ACTA2: variants seen among roughly 807,000 people sequenced by gnomAD.
ACTA2 encodes actin alpha 2, smooth muscle.
In ACTA2, 12 loss-of-function variants were observed where a neutral mutation model predicts 39.5. The observed-to-expected ratio is 0.30, with a 90% CI of 0.19 to 0.49. ACTA2 has a LOEUF of 0.49. Among genes scored for constraint, ACTA2 ranks in the 20% least tolerant of loss-of-function variants. The pLI is 0.99. For missense variants in ACTA2, 236 were observed against 498.8 expected (o/e 0.47, Z 5.02); for synonymous variants, 158 against 180.6 (o/e 0.88, Z 1.00).
At chr10:88,967,170 C>A (rs989062088) in intron 1 of ACTA2, among the ~76,000 whole-genome samples, 7 of 152,162 alleles carry the variant, frequency 4.6e-5, no homozygotes, top group Admixed American at 1.3e-4. Flanking sequence ...CCTTTTCCAA[C>A]AAAATTGAGA....
chr10:88,937,215 C>T (rs912089713), intron 8 of ACTA2, among the ~76,000 whole-genome samples: 4 of 145,884 alleles, frequency 2.7e-5, no homozygotes, highest in Admixed American at 6.7e-5. Context: ...CAGTCTAGCA[C>T]ACTCTCTAGT....
chr10:88,957,716 A>G (rs1236600193), upstream of ACTA2, among the ~76,000 whole-genome samples: 1 of 152,024 alleles, frequency 6.6e-6, no homozygotes, highest in Non-Finnish European at 1.5e-5. Context: ...CACACTTTAC[A>G]TATCCTCCTA....
intron 6 of ACTA2, chr10:88,940,807 C>T: frequency 3.4e-6 from 1 of 294,360 alleles, no homozygotes; most frequent in Non-Finnish European, 6.8e-6. Flanking sequence ...TATTATTATC[C>T]CCATTTTACA....
chr10:88,953,850 T>C (rs1402687867), upstream of ACTA2, among the ~76,000 whole-genome samples: 3 of 152,206 alleles, frequency 2.0e-5, no homozygotes. Context: ...AAGACACGCC[T>C]CTTCCCCTTT....
intron 1 of ACTA2, among the ~76,000 whole-genome samples, chr10:88,970,427 G>A (rs1450881301): frequency 2.6e-5 from 4 of 152,106 alleles, no homozygotes; most frequent in African/African-American, 9.7e-5. Flanking sequence ...CTTCATAGGA[G>A]CTTAGGCCCC....
chr10:88,975,714 T>C (rs1375730001), intron 1 of ACTA2, among the ~76,000 whole-genome samples: 3 of 152,130 alleles, frequency 2.0e-5, no homozygotes, highest in Non-Finnish European at 4.4e-5. Flanking sequence ...TATTGGCCTC[T>C]TAATAAATAT....
At chr10:88,939,786 A>G in intron 6 of ACTA2, 88 bp from the exon 7 acceptor site, 1 of 1,363,722 alleles carries the variant, frequency 7.3e-7, no homozygotes, top group East Asian at 2.3e-5. Context: ...CTCTCCCTCA[A>G]GACATGTGCC....
chr10:88,983,626 A>C (rs1358059537), intron 1 of ACTA2, among the ~76,000 whole-genome samples: 2 of 147,456 alleles, frequency 1.4e-5, no homozygotes, highest in East Asian at 1.9e-4. Flanking sequence ...AAAAAAAAAA[A>C]AAAAAAAAAA....
chr10:88,991,228 G>A (rs1847184384), exon 1 of ACTA2: 8 of 513,076 alleles, frequency 1.6e-5, no homozygotes, highest in Non-Finnish European at 2.8e-5. Context: ...CGTGGGGTGC[G>A]GACAGGAATT....
At chr10:88,986,428 T>C (rs1429488468) in intron 1 of ACTA2, among the ~76,000 whole-genome samples, 5 of 152,248 alleles carry the variant, frequency 3.3e-5, no homozygotes, top group Non-Finnish European at 7.3e-5. Flanking sequence ...TGCTTTTTAG[T>C]TGCCACAGTC....
intron 1 of ACTA2, among the ~76,000 whole-genome samples, chr10:88,981,518 GA>G (rs1846711142): frequency 6.6e-6 from 1 of 152,120 alleles, no homozygotes; most frequent in Non-Finnish European, 1.5e-5. Flanking sequence ...CCGTGGAAAG[GA>G]AGGCAAATTG....
At position 88,941,767 on chromosome 10, in the gene ACTA2, T is replaced by C; in HGVS notation, c.454+18A>G. The C allele has an allele frequency of 6.2e-7, 1 of 1,604,864 alleles. No individual in the cohort carries two copies. ...GCAGTGCGCTCCAACCAGCTTGCTG[T>C]CCCGCCCAGCCACCTACCAGTTGTG... On this transcript the variant is annotated intron_variant, in intron 5 of 8. Coordinates refer to ENST00000224784, the MANE Select transcript of ACTA2 (RefSeq NM_001613.4).
intron 1 of ACTA2, among the ~76,000 whole-genome samples, chr10:88,975,364 GAGA>G (rs1846537629): frequency 6.6e-6 from 1 of 152,220 alleles, no homozygotes; most frequent in South Asian, 2.1e-4. Flanking sequence ...AAAATTAGTT[GAGA>G]AGGACAATAG....
At position 88,943,134 on chromosome 10, in the gene ACTA2, A is replaced by C. The variant is rs1247019158; in HGVS notation, c.369+663T>G. On this transcript the variant is annotated intron_variant, in intron 4 of 8. Coordinates refer to ENST00000224784, the MANE Select transcript of ACTA2 (RefSeq NM_001613.4). ...CAGTACTTGACCATAACAAGTATAG[A>C]ATTGACACTAGACGTTGTTATTTAA... is the stretch of plus-strand genomic sequence containing the variant. Among the ~76,000 whole-genome samples, 6 of 152,348 alleles carry C rather than the reference A, an allele frequency of 3.9e-5. No individual in the cohort carries two copies. In the East Asian group the frequency reaches 1.2e-3, roughly 29 times the overall value.
upstream of ACTA2, among the ~76,000 whole-genome samples, chr10:88,954,245 C>A (rs1188106395): frequency 6.6e-6 from 1 of 152,160 alleles, no homozygotes; most frequent in African/African-American, 2.4e-5. Context: ...CACACATATA[C>A]ATACATATAT....
At position 88,948,074 on chromosome 10, in the gene ACTA2, A is replaced by G. The variant is rs1449047149; in HGVS notation, c.130-688T>C. On this transcript the variant is annotated intron_variant, in intron 2 of 8. Coordinates refer to ENST00000224784, the MANE Select transcript of ACTA2 (RefSeq NM_001613.4). ...GAACTACAAAACAGCCATGGCTACTATGGACCCATAAAATAGCGGCTTGTG... is the reference window on the plus strand; with the variant it reads ...GAACTACAAAACAGCCATGGCTACTGTGGACCCATAAAATAGCGGCTTGTG... Among the ~76,000 whole-genome samples, 4 of 152,160 alleles carry G rather than the reference A, an allele frequency of 2.6e-5. 1 individual carries two copies. The highest frequency in any genetic ancestry group is 4.1e-4 in the South Asian group (2 of 4,832).
At chr10:88,949,022 C>T in intron 1 of ACTA2, 69 bp from the exon 2 acceptor site, 1 of 1,557,536 alleles carries the variant, frequency 6.4e-7, no homozygotes, top group South Asian at 1.1e-5. Context: ...TGACAACTCC[C>T]ACCTCCAAGG....
intron 1 of ACTA2, among the ~76,000 whole-genome samples, chr10:88,961,385 GTATCCTT>G (rs1484057152): frequency 1.3e-5 from 2 of 152,134 alleles, no homozygotes; most frequent in African/African-American, 4.8e-5. Flanking sequence ...AGACTTTTAA[GTATCCTT>G]TAATTCTTTC....
At chr10:88,943,623 G>A (rs986629182) in intron 4 of ACTA2, 174 bp downstream of exon 4, 1 of 697,580 alleles carries the variant, frequency 1.4e-6, no homozygotes, top group Non-Finnish European at 2.6e-6. Context: ...CTGCAGGAAG[G>A]ATGCAAGTAC....
Sources: allele counts gnomAD v4.1 joint callset (sites outside exome capture counted in the v4.1 genomes callset), GRCh38; gene constraint gnomAD v4.1.1; transcripts MANE v1.5; gene names NCBI Gene and HGNC (gene_info 2026-07-23, HGNC 2026-07-21).